Variants in MLLT1 observed in about 807,000 individuals in gnomAD.
The protein encoded by MLLT1 is protein ENL.
A neutral mutation model predicts 55.1 loss-of-function variants in MLLT1; 11 were observed. That is an observed-to-expected ratio of 0.20 (90% CI 0.13 to 0.33). The LOEUF is 0.33. Among genes scored for constraint, MLLT1 ranks in the 10% least tolerant of loss-of-function variants. The pLI is 1.00. For missense variants in MLLT1, 536 were observed against 760.6 expected, an observed-to-expected ratio of 0.70 and a Z score of 3.47; for synonymous variants, 323 against 320.1, an observed-to-expected ratio of 1.01 and a Z score of -0.10.
In MLLT1 at chr19:6,213,376, C is replaced by T; in HGVS notation, c.1512G>A (p.Arg504=). Residue 504 remains arginine, a synonymous_variant, in exon 11 of 12, where the codon CGG becomes CGA. Transcript: ENST00000252674. ...AYTDELVELH[R]RLMALRERNV... Reference sequence around the variant, plus strand: ...TGCGCTCCCGCAGCGCCATCAGCCTCCGGTGTAGCTCCACCAGCTCATCCG... The same window carrying T: ...TGCGCTCCCGCAGCGCCATCAGCCTTCGGTGTAGCTCCACCAGCTCATCCG... 6.2e-7 allele frequency: 1 copy of T among 1,612,092 alleles called. No individual in the cohort carries two copies. The highest frequency in any genetic ancestry group is 8.5e-7 in the Non-Finnish European group (1 of 1,179,932).
In MLLT1 at chr19:6,260,864, T is replaced by G. The variant is rs1042418389; in HGVS notation, c.276+1364A>C. On this transcript the variant is annotated intron_variant, in intron 3 of 11. Transcript: ENST00000252674. ...TTGTCTCTAAAAACAAAACAAAAAA[T>G]GCCTTGCTGGCCCAAACTGCTTCTG... 2.6e-5 allele frequency among the ~76,000 whole-genome samples: 4 copies of G among 152,306 alleles called. No individual in the cohort carries two copies. The East Asian group carries it at 7.7e-4, about 29-fold the overall frequency.
chr19:6,224,734 T>C (rs1410562151), intron 5 of MLLT1, among the ~76,000 whole-genome samples: 2 of 152,058 alleles, frequency 1.3e-5, no homozygotes, highest in Non-Finnish European at 2.9e-5. Context: ...TGTTTGTTTG[T>C]TTGCTTTTGT....
Position 6,241,346 on chromosome 19 carries a change from C to T in MLLT1, c.277-10633G>A, listed in dbSNP as rs4807068. On this transcript the variant is annotated intron_variant, in intron 3 of 11. Transcript: ENST00000252674. Reference sequence around the variant, plus strand: ...CCAGGGCGCCAGGCCCCTAGCACCCCCGCTGGACAGCACCTTCCCTGCTCT... The same window carrying T: ...CCAGGGCGCCAGGCCCCTAGCACCCTCGCTGGACAGCACCTTCCCTGCTCT... Among the ~76,000 whole-genome samples the T allele has an allele frequency of 4.0e-3, 608 of 152,392 alleles. 3 individuals are homozygous for T. Among genetic ancestry groups the T allele is most frequent in the Middle Eastern group, 0.037 (11 of 294 alleles).
Position 6,226,877 on chromosome 19 carries a change from G to T in MLLT1, c.546+100C>A. 1.0e-6 allele frequency: 1 copy of T among 986,876 alleles called. No homozygotes were observed. Among genetic ancestry groups the T allele is most frequent in the Non-Finnish European group, 1.4e-6 (1 of 709,262 alleles). The allele number at this position is 986,876 out of a possible 1,614,324, so 61.1% of individuals were successfully genotyped here. ...AGGAAGACGCCAAGGGAGCGAGCAG[G>T]TGCGGAAGGCCCAGCCCAGTGGAGG... On this transcript the variant is annotated intron_variant, in intron 5 of 11. Transcript: ENST00000252674. The surrounding 1 kb of genome is among the most constrained non-coding windows in gnomAD (Gnocchi z 6.3).
chr19:6,258,063 G>A (rs34263337), intron 3 of MLLT1, among the ~76,000 whole-genome samples: 13,803 of 152,222 alleles, frequency 0.091, 907 homozygotes, highest in Non-Finnish European at 0.14. Context: ...ACAGCCACTG[G>A]AAAACGGCTT....
chr19:6,221,733 G>T (rs1226855205), intron 6 of MLLT1, among the ~76,000 whole-genome samples: 1 of 152,220 alleles, frequency 6.6e-6, no homozygotes, highest in Non-Finnish European at 1.5e-5. Context: ...TCCAGGCCGG[G>T]CTGACCACGC....
At chr19:6,248,039 C>T (rs889045776) in intron 3 of MLLT1, among the ~76,000 whole-genome samples, 23 of 152,138 alleles carry the variant, frequency 1.5e-4, no homozygotes, top group African/African-American at 5.1e-4. Context: ...TACAGGCGTG[C>T]GCCACCACGC....
At chr19:6,213,265 G>C in intron 11 of MLLT1, 72 bp downstream of exon 11, 1 of 1,607,866 alleles carries the variant, frequency 6.2e-7, no homozygotes, top group Non-Finnish European at 8.5e-7. Context: ...GGCAGCACCA[G>C]GGGCCCCCGC....
In MLLT1 at chr19:6,213,797, C is replaced by T. The variant is rs778612380; in HGVS notation, c.1408G>A (p.Val470Met). The T allele has an allele frequency of 6.2e-7, 1 of 1,613,574 alleles. No individual in the cohort carries two copies. Among genetic ancestry groups the T allele is most frequent in the Non-Finnish European group, 8.5e-7 (1 of 1,179,792 alleles). ...PQKPPPPNSK[V>M]SGRRSPESCS... Reference sequence around the variant, plus strand: ...GACTCGGGGCTCCTCCGGCCTGACACCTGCAGGGAACCCAGGTCTCTGCTG... The same window carrying T: ...GACTCGGGGCTCCTCCGGCCTGACATCTGCAGGGAACCCAGGTCTCTGCTG... Residue 470 changes from valine to methionine, a missense_variant and splice_region_variant, in exon 10 of 12, where the codon GTG (valine) becomes ATG (methionine). Val to Met is a conservative substitution (Grantham distance 21). Coordinates refer to ENST00000252674, the MANE Select transcript of MLLT1 (RefSeq NM_005934.4).
chr19:6,269,060 G>A lies in MLLT1; in HGVS notation c.193+1519C>T, dbSNP rs74718451. 0.011 allele frequency among the ~76,000 whole-genome samples: 1,734 copies of A among 152,282 alleles called. 66 individuals are homozygous for A. The East Asian group carries it at 0.12, about 11-fold the overall frequency. ...GGGTTGGTGAAGAAGTGGAGTGGAT[G>A]CCACCAGAGAAAGGAAAGAGGGCCT... On this transcript the variant is annotated intron_variant, in intron 2 of 11. Coordinates refer to ENST00000252674, the MANE Select transcript of MLLT1 (RefSeq NM_005934.4).
At position 6,211,952 on chromosome 19, in the gene MLLT1, G is replaced by C. The variant is rs1461931017; in HGVS notation, c.*1090C>G. ...AAGGCAGCCTGGGAGGGCCAGCCCG[G>C]CCAACCCACCGGGCCTGCTGATGGC... is the stretch of plus-strand genomic sequence containing the variant. On this transcript the variant is annotated 3_prime_UTR_variant, in exon 12 of 12. Transcript: ENST00000252674. This position sits in a 1 kb window ranked among gnomAD's most constrained non-coding sequence, Gnocchi z 4.6. 9.4e-7 allele frequency: 1 copy of C among 1,064,884 alleles called. No homozygotes were observed. The allele number at this position is 1,064,884 out of a possible 1,614,324, so 66.0% of individuals were successfully genotyped here.
In MLLT1 at chr19:6,227,272, C is replaced by T. The variant is rs556913393; in HGVS notation, c.421-170G>A. ...CCTGCTGGGGACTGGGTGCTGAGCA[C>T]GCAGAAGAAGCAGGCATGGGTGGGG... On this transcript the variant is annotated intron_variant, in intron 4 of 11. Coordinates refer to ENST00000252674, the MANE Select transcript of MLLT1 (RefSeq NM_005934.4). The surrounding 1 kb of genome is among the most constrained non-coding windows in gnomAD (Gnocchi z 5.1). Among the ~76,000 whole-genome samples, 11 of 152,182 alleles carry T rather than the reference C, an allele frequency of 7.2e-5. No homozygotes were observed. The highest frequency in any genetic ancestry group is 3.9e-4 in the East Asian group (2 of 5,116).
chr19:6,214,068 C>G (rs747860548), intron 8 of MLLT1, 30 bp from the exon 9 acceptor site: 2 of 1,352,164 alleles, frequency 1.5e-6, no homozygotes, highest in African/African-American at 1.5e-5. Context: ...CGCATCAGGC[C>G]CCTGCCGCCA....
rs1483480456 is a variant in MLLT1, at chr19:6,229,686, G to A, written c.420+884C>T. On this transcript the variant is annotated intron_variant, in intron 4 of 11. Transcript: ENST00000252674. This position sits in a 1 kb window ranked among gnomAD's most constrained non-coding sequence, Gnocchi z 5.2. ...TACATACCACACAACACACACACAC[G>A]CCCCACACCCGTGACACCACACACC... 2.7e-5 allele frequency among the ~76,000 whole-genome samples: 4 copies of A among 148,392 alleles called. No individual in the cohort carries two copies. Among genetic ancestry groups the A allele is most frequent in the Non-Finnish European group, 4.5e-5 (3 of 66,994 alleles).
chr19:6,262,370 C>T lies in MLLT1; in HGVS notation c.194-60G>A. ...TCCTGCCTGTTTCAGGCCCAGCTGC[C>T]AGCGGCAGTACCGCACCCCTCAACC... is the stretch of plus-strand genomic sequence containing the variant. On this transcript the variant is annotated intron_variant, in intron 2 of 11. Coordinates refer to ENST00000252674, the MANE Select transcript of MLLT1 (RefSeq NM_005934.4). The surrounding 1 kb of genome is among the most constrained non-coding windows in gnomAD (Gnocchi z 4.4). 1 of 1,466,656 alleles carries T rather than the reference C, an allele frequency of 6.8e-7. No homozygotes were observed. The highest frequency in any genetic ancestry group is 9.5e-7 in the Non-Finnish European group (1 of 1,053,830). The allele number at this position is 1,466,656 out of a possible 1,614,324, so 90.9% of individuals were successfully genotyped here.
At chr19:6,241,303 C>A (rs1192815609) in intron 3 of MLLT1, among the ~76,000 whole-genome samples, 1 of 152,260 alleles carries the variant, frequency 6.6e-6, no homozygotes, top group Admixed American at 6.5e-5. Flanking sequence ...CAGCTGGAGG[C>A]AGGGTCCATT....
Position 6,229,263 on chromosome 19 carries a change from C to T in MLLT1, c.420+1307G>A, listed in dbSNP as rs993999817. Among the ~76,000 whole-genome samples the T allele has an allele frequency of 6.2e-4, 94 of 152,188 alleles. No homozygotes were observed. The highest frequency in any genetic ancestry group is 6.0e-4 in the Non-Finnish European group (41 of 68,024). ...GCCACCCAGCACTCAGCCACGCCAT[C>T]CACATAGGCCCACGCCGGCACTGCC... On this transcript the variant is annotated intron_variant, in intron 4 of 11. Transcript: ENST00000252674. The surrounding 1 kb of genome is among the most constrained non-coding windows in gnomAD (Gnocchi z 5.2).
intron 3 of MLLT1, among the ~76,000 whole-genome samples, chr19:6,237,800 G>A (rs901488330): frequency 1.3e-5 from 2 of 150,358 alleles, no homozygotes; most frequent in Non-Finnish European, 3.0e-5. Context: ...AAGAGACGAA[G>A]CAATCAAGAG....
In MLLT1 at chr19:6,211,191, C is replaced by T; in HGVS notation, c.*1851G>A. 1 of 232,792 alleles carries T rather than the reference C, an allele frequency of 4.3e-6. No homozygotes were observed. Among genetic ancestry groups the T allele is most frequent in the Non-Finnish European group, 8.5e-6 (1 of 117,808 alleles). The allele number at this position is 232,792 out of a possible 1,614,324, so 14.4% of individuals were successfully genotyped here. A position where few individuals can be genotyped will look rare whatever the true frequency, so the allele number is the denominator to read the frequency against. On this transcript the variant is annotated 3_prime_UTR_variant, in exon 12 of 12. Coordinates refer to ENST00000252674, the MANE Select transcript of MLLT1 (RefSeq NM_005934.4). The surrounding 1 kb of genome is among the most constrained non-coding windows in gnomAD (Gnocchi z 4.6). ...CCCCCCTCAGGCCAGTTCCTTCAGTCCAATGTCTTAGTTTCCAGAGAAGAA... is the reference window on the plus strand; with the variant it reads ...CCCCCCTCAGGCCAGTTCCTTCAGTTCAATGTCTTAGTTTCCAGAGAAGAA...
Sources: allele counts gnomAD v4.1 joint callset (sites outside exome capture counted in the v4.1 genomes callset), GRCh38; gene constraint gnomAD v4.1.1; non-coding constraint Gnocchi (gnomAD v3.1); transcripts MANE v1.5; gene names NCBI Gene and HGNC (gene_info 2026-07-23, HGNC 2026-07-21).